Variants in UACA observed in about 807,000 individuals in gnomAD.
UACA encodes the protein uveal autoantigen with coiled-coil domains and ankyrin repeats.
A neutral mutation model predicts 160.5 loss-of-function variants in UACA; 112 were observed. The ratio of observed to expected loss-of-function variants is 0.70; its 90% CI spans 0.60 to 0.82. UACA has a LOEUF of 0.82. Ranked by LOEUF, UACA falls within the 40% of genes least tolerant of loss-of-function variation. The probability of loss-of-function intolerance (pLI) is 0.00; values close to 1 mark genes in which losing one functional copy is unlikely to be tolerated. For missense variants in UACA, 1,574 were observed against 1,614.6 expected (o/e 0.97, Z 0.43); for synonymous variants, 557 against 568.4 (o/e 0.98, Z 0.29).
At chr15:70,773,374 A>C in the UACA span, among the ~76,000 whole-genome samples, 4 of 152,354 alleles carry the variant, frequency 2.6e-5, no homozygotes, top group Middle Eastern at 3.4e-3. Flanking sequence ...AGGAGAGCAG[A>C]GAAATAGGGA....
chr15:70,659,399 T>TTTG (rs1566958249), intron 18 of UACA, among the ~76,000 whole-genome samples: 17 of 117,772 alleles, frequency 1.4e-4, no homozygotes, highest in Non-Finnish European at 2.3e-4. Flanking sequence ...TTGTTTGTTT[T>TTTG]TTTTTTTTTT....
intron 1 of UACA, among the ~76,000 whole-genome samples, chr15:70,714,571 G>A (rs749280208): frequency 5.9e-5 from 9 of 152,036 alleles, no homozygotes; most frequent in Middle Eastern, 3.4e-3. Context: ...TCACTTTACC[G>A]GATTCTTCTA....
intron 1 of UACA, among the ~76,000 whole-genome samples, chr15:70,762,560 CG>C (rs1457671394): frequency 2.0e-5 from 3 of 152,212 alleles, no homozygotes; most frequent in African/African-American, 7.2e-5. Context: ...AAAGAGGCCC[CG>C]ACTACTCCTT....
At position 70,667,233 on chromosome 15, in the gene UACA, T is replaced by C; in HGVS notation, c.3451A>G (p.Lys1151Glu). The change falls in exon 16 of 19, where the codon AAA (lysine) becomes GAA (glutamate). Residue 1151 changes from lysine to glutamate, a missense_variant. Lys to Glu is a moderately conservative substitution (Grantham distance 56). Transcript: ENST00000322954. ...TGATTCTCCAACAATTGATGCAGTTTGGTCACTGTCTGCTGCTCTTTCTCG... is the reference window on the plus strand; with the variant it reads ...TGATTCTCCAACAATTGATGCAGTTCGGTCACTGTCTGCTGCTCTTTCTCG... ...CYEKEQQTVTKLHQLLENQKN... is the reference protein window; with the variant it reads ...CYEKEQQTVTELHQLLENQKN... 1 of 1,614,016 alleles carries C rather than the reference T, an allele frequency of 6.2e-7. No individual in the cohort carries two copies. Among genetic ancestry groups the C allele is most frequent in the Non-Finnish European group, 8.5e-7 (1 of 1,179,968 alleles).
chr15:70,769,924 G>A, the UACA span, among the ~76,000 whole-genome samples: 2 of 152,192 alleles, frequency 1.3e-5, no homozygotes, highest in African/African-American at 4.8e-5. Context: ...TTGAGCCTGG[G>A]AGGCAGAGGT....
chr15:70,761,481 G>C (rs781709099), intron 1 of UACA, among the ~76,000 whole-genome samples: 4 of 151,808 alleles, frequency 2.6e-5, no homozygotes, highest in South Asian at 4.2e-4. Context: ...TTTATAGATT[G>C]AAAAGCAGAA....
intron 1 of UACA, among the ~76,000 whole-genome samples, chr15:70,728,085 C>T (rs1899200456): frequency 6.6e-6 from 1 of 152,180 alleles, no homozygotes; most frequent in South Asian, 2.1e-4. Context: ...CTCCTATAAA[C>T]ATCTGATCTT....
chr15:70,702,288 A>C, intron 1 of UACA: 1 of 1,025,718 alleles, frequency 9.7e-7, no homozygotes, highest in South Asian at 4.1e-5. Flanking sequence ...ACACTGCAAC[A>C]CAGACGCTGC....
intron 1 of UACA, among the ~76,000 whole-genome samples, chr15:70,727,788 T>A (rs1177280224): frequency 6.6e-6 from 1 of 152,200 alleles, no homozygotes; most frequent in Admixed American, 6.5e-5. Context: ...TAATCAGTGG[T>A]TTTCAAACCT....
chr15:70,702,583 C>A (rs1298306184), intron 1 of UACA, among the ~76,000 whole-genome samples: 4 of 152,118 alleles, frequency 2.6e-5, no homozygotes, highest in African/African-American at 9.7e-5. Context: ...TTCCACAGAA[C>A]AATATTTAAA....
chr15:70,659,395 GTTTTTTTTTTTT>G (rs71152307), intron 18 of UACA, among the ~76,000 whole-genome samples: 252 of 18,846 alleles, frequency 0.013, 5 homozygotes, highest in African/African-American at 0.027. Context: ...TTTTTTGTTT[GTTTTTTTTTTTT>G]TTTTTTTTTT....
intron 1 of UACA, among the ~76,000 whole-genome samples, chr15:70,716,484 ACTGCCTGAATCTAGAGC>A (rs1293658558): frequency 2.0e-5 from 3 of 152,162 alleles, no homozygotes; most frequent in African/African-American, 7.2e-5. Context: ...TAAACCTAGG[ACTGCCTGAATCTAGAGC>A]CTAGATTCTC....
intron 3 of UACA, among the ~76,000 whole-genome samples, chr15:70,692,812 G>A (rs1187864035): frequency 6.6e-6 from 1 of 152,134 alleles, no homozygotes; most frequent in African/African-American, 2.4e-5. Flanking sequence ...TTCACAAGTA[G>A]ACCTTTTTGC....
intron 1 of UACA, among the ~76,000 whole-genome samples, chr15:70,724,191 A>G (rs1414373806): frequency 6.6e-6 from 1 of 152,216 alleles, no homozygotes; most frequent in Non-Finnish European, 1.5e-5. Flanking sequence ...GCAACTGAAT[A>G]AACTGAAATT....
intron 17 of UACA, among the ~76,000 whole-genome samples, chr15:70,663,339 C>A (rs530037831): frequency 9.4e-4 from 143 of 152,202 alleles, no homozygotes; most frequent in Admixed American, 1.8e-3. Flanking sequence ...GAATGGCAAT[C>A]ATTAAAAAGT....
At chr15:70,749,552 A>T (rs1166657330) in intron 1 of UACA, among the ~76,000 whole-genome samples, 1 of 151,324 alleles carries the variant, frequency 6.6e-6, no homozygotes, top group African/African-American at 2.4e-5. Flanking sequence ...ACAAAAAATT[A>T]GCCAGGCGTA....
intron 2 of UACA, among the ~76,000 whole-genome samples, chr15:70,698,300 A>G (rs1272779846): frequency 6.6e-6 from 1 of 152,210 alleles, no homozygotes; most frequent in Non-Finnish European, 1.5e-5. Context: ...TTCACTGAAA[A>G]GTTCCATCCC....
At chr15:70,705,509 T>C (rs1898499998) in intron 1 of UACA, among the ~76,000 whole-genome samples, 1 of 151,604 alleles carries the variant, frequency 6.6e-6, no homozygotes. Flanking sequence ...GCACCCCAAC[T>C]TGGGCAACAA....
In UACA at chr15:70,669,448, A is replaced by C; in HGVS notation, c.1236T>G (p.Gly412=). Residue 412 remains glycine (G), a synonymous_variant, in exon 16 of 19, where the codon GGT becomes GGG. Coordinates refer to ENST00000322954, the MANE Select transcript of UACA (RefSeq NM_018003.4). ...ATCTGCTTTGCATATGGGCTGGTATACCTGGGGAAGTACACTGAAAAGAAA... is the reference window on the plus strand; with the variant it reads ...ATCTGCTTTGCATATGGGCTGGTATCCCTGGGGAAGTACACTGAAAAGAAA... ...YMADSQCTSP[G]IPAHMQSRSM... The C allele has an allele frequency of 2.5e-6, 4 of 1,572,822 alleles. No individual in the cohort carries two copies. Among genetic ancestry groups the C allele is most frequent in the Non-Finnish European group, 3.4e-6 (4 of 1,164,748 alleles).
Sources: gnomAD v4.1 joint callset for allele counts (sites outside exome capture counted in the v4.1 genomes callset) on GRCh38, gnomAD v4.1.1 for gene constraint, MANE v1.5 for transcripts, NCBI Gene and HGNC (gene_info 2026-07-23, HGNC 2026-07-21) for gene names.